ERICH6B: variants seen among roughly 807,000 people sequenced by gnomAD.
ERICH6B encodes glutamate-rich protein 6B.
A neutral mutation model predicts 80.0 loss-of-function variants in ERICH6B; 69 were observed. That is an observed-to-expected ratio of 0.86 (90% CI 0.71 to 1.05). The LOEUF (loss-of-function observed/expected upper bound fraction) is 1.05. ERICH6B is among the 50% of genes least tolerant of loss of function. ERICH6B has a pLI of 0.00. For missense variants in ERICH6B, 754 were observed against 796.1 expected (o/e 0.95, Z 0.64); for synonymous variants, 283 against 291.9 (o/e 0.97, Z 0.31).
intron 11 of ERICH6B, among the ~76,000 whole-genome samples, chr13:45,556,770 T>C (rs902750346): frequency 6.8e-6 from 1 of 147,460 alleles, no homozygotes; most frequent in Admixed American, 6.6e-5. Flanking sequence ...ATCATATATA[T>C]ATGTGTGTGT....
chr13:45,557,478 T>C (rs576955965), intron 11 of ERICH6B, among the ~76,000 whole-genome samples: 1 of 152,350 alleles, frequency 6.6e-6, no homozygotes, highest in South Asian at 2.1e-4. Context: ...CCTTTGCTTT[T>C]GGGTTTTTGG....
intron 11 of ERICH6B, among the ~76,000 whole-genome samples, chr13:45,557,801 T>C (rs1210642893): frequency 6.6e-6 from 1 of 152,220 alleles, no homozygotes; most frequent in African/African-American, 2.4e-5. Flanking sequence ...TGCCTATTTT[T>C]ATACCAGTAC....
At chr13:45,545,072 T>C (rs2137954811) in intron 13 of ERICH6B, 87 bp from the exon 14 acceptor site, 2 of 1,130,570 alleles carry the variant, frequency 1.8e-6, no homozygotes, top group Non-Finnish European at 2.5e-6. Flanking sequence ...TCTTTTCCCC[T>C]ACTTGGCACA....
At chr13:45,584,453 T>C (rs1419188420) in intron 5 of ERICH6B, among the ~76,000 whole-genome samples, 6 of 152,210 alleles carry the variant, frequency 3.9e-5, no homozygotes, top group Non-Finnish European at 1.5e-5. Context: ...GATTTTTGAC[T>C]CATTGTGGTT....
At chr13:45,615,103 C>G (rs1321874751) in intron 1 of ERICH6B, among the ~76,000 whole-genome samples, 1 of 152,220 alleles carries the variant, frequency 6.6e-6, no homozygotes, top group East Asian at 1.9e-4. Context: ...TCACTTGGAA[C>G]AGAACACTTG....
At chr13:45,561,765 C>T (rs1462725254) in intron 10 of ERICH6B, among the ~76,000 whole-genome samples, 5 of 152,130 alleles carry the variant, frequency 3.3e-5, no homozygotes, top group African/African-American at 1.2e-4. Flanking sequence ...ATGTACTTAT[C>T]AAGTGCCTAG....
At chr13:45,612,055 C>G (rs1342289354) in intron 1 of ERICH6B, among the ~76,000 whole-genome samples, 1 of 152,196 alleles carries the variant, frequency 6.6e-6, no homozygotes, top group Admixed American at 6.5e-5. Flanking sequence ...GAACCAGATA[C>G]AGGTATTTAC....
chr13:45,542,848 G>T lies in ERICH6B; in HGVS notation c.1873-1168C>A, dbSNP rs149957954. Among the ~76,000 whole-genome samples, 23 of 152,344 alleles carry T rather than the reference G, an allele frequency of 1.5e-4. No individual in the cohort carries two copies. In the East Asian group the frequency reaches 3.9e-3, roughly 26 times the overall value. On this transcript the variant is annotated intron_variant, in intron 14 of 14. Coordinates refer to ENST00000298738, the MANE Select transcript of ERICH6B (RefSeq NM_182542.3). The stretch of plus-strand genomic sequence containing the variant: ...GGGGTCAGCAGGCCAGGCCTGTGTG[G>T]AAATTTCCCAGTTTTAGCAGTGAAA...
At chr13:45,610,652 A>G (rs1290698618) in intron 1 of ERICH6B, among the ~76,000 whole-genome samples, 3 of 152,168 alleles carry the variant, frequency 2.0e-5, no homozygotes, top group Admixed American at 6.5e-5. Flanking sequence ...TATTGCTTCT[A>G]TGCTACAAGC....
intron 10 of ERICH6B, among the ~76,000 whole-genome samples, chr13:45,561,956 A>G (rs1874700773): frequency 6.6e-6 from 1 of 152,250 alleles, no homozygotes; most frequent in African/African-American, 2.4e-5. Flanking sequence ...AGTCATCAAA[A>G]AAAGGTAAAA....
At chr13:45,563,853 C>G (rs1471387244) in intron 9 of ERICH6B, 65 bp from the exon 10 acceptor site, 2 of 1,314,042 alleles carry the variant, frequency 1.5e-6, no homozygotes, top group Admixed American at 2.0e-5. Context: ...CCATCACACA[C>G]AGTGCAGACA....
chr13:45,556,192 C>A (rs1874429932), intron 11 of ERICH6B, among the ~76,000 whole-genome samples: 1 of 151,976 alleles, frequency 6.6e-6, no homozygotes, highest in Non-Finnish European at 1.5e-5. Flanking sequence ...TATTGACTCT[C>A]TCCTCAACTG....
At chr13:45,600,985 C>A (rs1267095375) in intron 2 of ERICH6B, among the ~76,000 whole-genome samples, 2 of 152,186 alleles carry the variant, frequency 1.3e-5, no homozygotes, top group Non-Finnish European at 1.5e-5. Context: ...GTTACCTGAT[C>A]AGATTTCTCA....
At chr13:45,556,391 C>T (rs1020609376) in intron 11 of ERICH6B, among the ~76,000 whole-genome samples, 11 of 152,110 alleles carry the variant, frequency 7.2e-5, no homozygotes, top group African/African-American at 2.4e-4. Flanking sequence ...TTAGCTCACT[C>T]TCAATTACTC....
At chr13:45,615,396 C>T (rs1482669943) in intron 1 of ERICH6B, among the ~76,000 whole-genome samples, 1 of 152,196 alleles carries the variant, frequency 6.6e-6, no homozygotes, top group Non-Finnish European at 1.5e-5. Flanking sequence ...GAAAGTGACC[C>T]CTTATCCTTT....
intron 2 of ERICH6B, among the ~76,000 whole-genome samples, chr13:45,601,984 G>C (rs573136691): frequency 2.8e-4 from 42 of 152,342 alleles, no homozygotes; most frequent in African/African-American, 9.6e-4. Flanking sequence ...CTCTGAAGGT[G>C]CGTGTGTGTA....
chr13:45,560,806 T>A (rs1213055275), intron 11 of ERICH6B, among the ~76,000 whole-genome samples: 2 of 152,274 alleles, frequency 1.3e-5, no homozygotes. Context: ...TTCTTTTTAA[T>A]GCAGAATAAT....
intron 4 of ERICH6B, 56 bp from the exon 5 acceptor site, chr13:45,587,288 C>A (rs1457185902): frequency 2.0e-6 from 3 of 1,502,822 alleles, no homozygotes; most frequent in Non-Finnish European, 2.7e-6. Context: ...GGTCAGGAAC[C>A]CCTTCTAAGG....
chr13:45,573,669 A>G (rs969021027), intron 8 of ERICH6B, among the ~76,000 whole-genome samples: 1 of 152,190 alleles, frequency 6.6e-6, no homozygotes, highest in African/African-American at 2.4e-5. Context: ...TGCTCAGCCC[A>G]CCTGTCCCAA....
Sources: gnomAD v4.1 joint callset for allele counts (sites outside exome capture counted in the v4.1 genomes callset) on GRCh38, gnomAD v4.1.1 for gene constraint, MANE v1.5 for transcripts, NCBI Gene and HGNC (gene_info 2026-07-23, HGNC 2026-07-21) for gene names.